Variants in TRHDE observed in about 807,000 individuals in gnomAD.
The protein encoded by TRHDE is thyrotropin-releasing hormone-degrading ectoenzyme.
Under a neutral mutation model 125.7 loss-of-function variants are expected in TRHDE, and 72 were observed. The ratio of observed to expected loss-of-function variants is 0.57; its 90% CI spans 0.47 to 0.70. The LOEUF (loss-of-function observed/expected upper bound fraction) is 0.70, where lower values mean the gene tolerates loss of function less well. TRHDE is among the 30% of genes least tolerant of loss of function. The pLI is 0.00. For missense variants in TRHDE, 1,110 were observed against 1,327.1 expected (o/e 0.84, Z 2.54); for synonymous variants, 509 against 509.1 (o/e 1.00, Z 0.00).
chr12:72,375,933 T>A (rs1159456075), intron 2 of TRHDE, among the ~76,000 whole-genome samples: 3 of 152,198 alleles, frequency 2.0e-5, no homozygotes, highest in Non-Finnish European at 4.4e-5. Context: ...ACAGACTAGA[T>A]CCCTTTTCCT....
At chr12:72,430,757 G>C (rs986791538) in intron 3 of TRHDE, among the ~76,000 whole-genome samples, 1 of 151,854 alleles carries the variant, frequency 6.6e-6, no homozygotes, top group Non-Finnish European at 1.5e-5. Context: ...TAACATATGA[G>C]TTTTAGGATC....
chr12:72,484,623 A>T (rs1397330931), intron 5 of TRHDE, among the ~76,000 whole-genome samples: 1 of 152,206 alleles, frequency 6.6e-6, no homozygotes, highest in Non-Finnish European at 1.5e-5. Context: ...AACAAATGTC[A>T]AGATCACTTA....
chr12:72,471,345 T>A (rs555938559), intron 4 of TRHDE, among the ~76,000 whole-genome samples: 1 of 152,290 alleles, frequency 6.6e-6, no homozygotes, highest in African/African-American at 2.4e-5. Flanking sequence ...TGACCGAATA[T>A]CATGTAATTA....
chr12:72,138,347 C>T (rs1344105278), intron 2 of TRHDE, among the ~76,000 whole-genome samples: 6 of 151,558 alleles, frequency 4.0e-5, no homozygotes, highest in African/African-American at 1.2e-4. Flanking sequence ...TGCACTCTAG[C>T]CTGGTGACAG....
intron 12 of TRHDE, chr12:72,582,469 T>C (rs1871279878): frequency 1.0e-6 from 1 of 985,306 alleles, no homozygotes; most frequent in Admixed American, 6.1e-5. Flanking sequence ...TGTTAGAAGT[T>C]TTTTTGTGTC....
intron 2 of TRHDE, among the ~76,000 whole-genome samples, chr12:72,126,359 TC>T (rs1272702622): frequency 4.1e-4 from 62 of 152,200 alleles, no homozygotes; most frequent in Admixed American, 3.2e-3. Context: ...AAAACCCTAT[TC>T]TAAAATTCAT....
chr12:72,296,597 T>C (rs1273978541), intron 2 of TRHDE, among the ~76,000 whole-genome samples: 6 of 150,384 alleles, frequency 4.0e-5, no homozygotes, highest in African/African-American at 1.5e-4. Context: ...GCCATGTGGG[T>C]GCCTTTATTG....
At chr12:72,627,024 C>G (rs750200121) in intron 15 of TRHDE, among the ~76,000 whole-genome samples, 1 of 151,902 alleles carries the variant, frequency 6.6e-6, no homozygotes, top group Non-Finnish European at 1.5e-5. Context: ...CTGTAACCAG[C>G]ATAGACATTT....
chr12:72,164,166 T>C (rs1592465600), intron 2 of TRHDE, among the ~76,000 whole-genome samples: 1 of 152,084 alleles, frequency 6.6e-6, no homozygotes. Context: ...GATAAATGCA[T>C]TGATGAGGGT....
At chr12:72,307,866 T>C (rs914865294) in intron 2 of TRHDE, among the ~76,000 whole-genome samples, 2 of 152,206 alleles carry the variant, frequency 1.3e-5, no homozygotes, top group Non-Finnish European at 2.9e-5. Flanking sequence ...AGGTAACTAA[T>C]TGAGGCTTTA....
intron 3 of TRHDE, among the ~76,000 whole-genome samples, chr12:72,381,790 G>A (rs1054694924): frequency 5.3e-5 from 8 of 152,186 alleles, no homozygotes; most frequent in Non-Finnish European, 1.2e-4. Context: ...CCAGGAGGGT[G>A]GAATTGCCAT....
intron 2 of TRHDE, among the ~76,000 whole-genome samples, chr12:72,199,300 TC>T (rs932214934): frequency 6.6e-6 from 1 of 152,124 alleles, no homozygotes; most frequent in African/African-American, 2.4e-5. Context: ...GCTTAAATAT[TC>T]ACTGGACACA....
At chr12:72,627,957 G>A (rs553439956) in intron 15 of TRHDE, among the ~76,000 whole-genome samples, 3 of 151,336 alleles carry the variant, frequency 2.0e-5, no homozygotes, top group Admixed American at 6.6e-5. Context: ...TGCTGGGATC[G>A]ACTGGACTTT....
At chr12:72,473,264 T>TA (rs1208386683) in intron 5 of TRHDE, 84 bp downstream of exon 5, 4 of 972,990 alleles carry the variant, frequency 4.1e-6, no homozygotes, top group African/African-American at 3.3e-5. Flanking sequence ...TAGAGATGAC[T>TA]AAAAATACCA....
intron 2 of TRHDE, among the ~76,000 whole-genome samples, chr12:72,362,143 C>T (rs370763702): frequency 0.094 from 12,320 of 131,378 alleles, 693 homozygotes; most frequent in African/African-American, 0.16. Flanking sequence ...GCCACACTGA[C>T]TTCCACAATG....
intron 2 of TRHDE, among the ~76,000 whole-genome samples, chr12:72,318,301 A>G (rs937650432): frequency 6.6e-6 from 1 of 152,164 alleles, no homozygotes; most frequent in African/African-American, 2.4e-5. Flanking sequence ...AGGAGAATAC[A>G]GTGAATTGGT....
At chr12:72,141,436 T>C (rs1473593935) in intron 2 of TRHDE, among the ~76,000 whole-genome samples, 4 of 152,164 alleles carry the variant, frequency 2.6e-5, no homozygotes, top group African/African-American at 9.7e-5. Context: ...CTTAGCTCTA[T>C]CCATTCATTA....
chr12:72,615,191 A>G (rs1872771180), intron 12 of TRHDE, among the ~76,000 whole-genome samples: 1 of 152,184 alleles, frequency 6.6e-6, no homozygotes, highest in South Asian at 2.1e-4. Flanking sequence ...GAAGAAAGGT[A>G]TAACCTACAA....
At chr12:72,490,450 C>T (rs1046599514) in intron 5 of TRHDE, among the ~76,000 whole-genome samples, 1 of 151,650 alleles carries the variant, frequency 6.6e-6, no homozygotes, top group Non-Finnish European at 1.5e-5. Context: ...ACCACATGAC[C>T]CAGCAATCCC....
Sources: gnomAD v4.1 joint callset for allele counts (sites outside exome capture counted in the v4.1 genomes callset) on GRCh38, gnomAD v4.1.1 for gene constraint, MANE v1.5 for transcripts, NCBI Gene and HGNC (gene_info 2026-07-23, HGNC 2026-07-21) for gene names.